The following SBF2 variants were observed in gnomAD, a reference collection of about 807,000 sequenced individuals.
SBF2 encodes the protein SET binding factor 2.
Under a neutral mutation model 225.2 loss-of-function variants are expected in SBF2, and 112 were observed. The ratio of observed to expected loss-of-function variants is 0.50; its 90% CI spans 0.43 to 0.58. SBF2 has a LOEUF of 0.58. SBF2 is among the 20% of genes least tolerant of loss of function. The probability of loss-of-function intolerance (pLI) is 0.00; values close to 1 mark genes in which losing one functional copy is unlikely to be tolerated. For synonymous variants in SBF2, 763 were observed against 773.3 expected, an observed-to-expected ratio of 0.99 and a Z score of 0.22; for missense variants, 1,996 against 2,206.2, an observed-to-expected ratio of 0.90 and a Z score of 1.91.
At chr11:10,234,597 T>C (rs1357088271) in intron 1 of SBF2, among the ~76,000 whole-genome samples, 1 of 152,210 alleles carries the variant, frequency 6.6e-6, no homozygotes, top group East Asian at 1.9e-4. Flanking sequence ...CAGATTTTAA[T>C]TGACAACAAA....
At chr11:9,998,433 G>T in intron 8 of SBF2, 54 bp from the exon 9 acceptor site, 2 of 995,622 alleles carry the variant, frequency 2.0e-6, no homozygotes, top group Non-Finnish European at 3.2e-6. Context: ...TTGTTGTTAA[G>T]CAAATTATTT....
At chr11:10,151,276 C>CA (rs922315312) in intron 2 of SBF2, among the ~76,000 whole-genome samples, 7 of 152,198 alleles carry the variant, frequency 4.6e-5, no homozygotes, top group African/African-American at 1.7e-4. Context: ...TTTGCTCGCT[C>CA]AGCCATCTGG....
chr11:10,172,190 T>C (rs554532254), intron 2 of SBF2, among the ~76,000 whole-genome samples: 2 of 152,264 alleles, frequency 1.3e-5, no homozygotes, highest in South Asian at 4.2e-4. Context: ...TTTGGTTTGC[T>C]CTTGCCTTTC....
intron 1 of SBF2, among the ~76,000 whole-genome samples, chr11:10,201,148 G>C (rs1026939138): frequency 2.6e-5 from 4 of 152,064 alleles, no homozygotes; most frequent in Non-Finnish European, 5.9e-5. Context: ...CAGACTTTTG[G>C]GTACATGTAT....
chr11:9,959,534 G>A (rs1332812519), intron 16 of SBF2: 1 of 791,672 alleles, frequency 1.3e-6, no homozygotes, highest in African/African-American at 1.7e-5. Flanking sequence ...AGCTTGTGGA[G>A]GTCCTTGTGG....
Position 10,044,476 on chromosome 11 carries a change from G to A in SBF2, c.142-1495C>T, listed in dbSNP as rs901869865. The A allele has an allele frequency of 3.7e-4, 60 of 161,110 alleles. 2 individuals are homozygous for A. Among genetic ancestry groups the A allele is most frequent in the African/African-American group, 9.6e-5 (4 of 41,702 alleles). 10.0% of individuals were successfully genotyped at this position (161,110 alleles called of 1,614,324 possible). ...AATGATATAATAAGCAAATTGCAAC[G>A]CAAAGGGGAGAAGGGAAAAGAGATA... is the stretch of plus-strand genomic sequence containing the variant. On this transcript the variant is annotated intron_variant, in intron 2 of 39. Transcript: ENST00000256190.
At position 10,064,506 on chromosome 11, in the gene SBF2, G is replaced by A. The variant is rs945563002; in HGVS notation, c.142-21525C>T. Among the ~76,000 whole-genome samples, 41 of 152,088 alleles carry A rather than the reference G, an allele frequency of 2.7e-4. 2 individuals are homozygous for A. Among genetic ancestry groups the A allele is most frequent in the Admixed American group, 1.9e-3 (29 of 15,268 alleles). On this transcript the variant is annotated intron_variant, in intron 2 of 39. Coordinates refer to ENST00000256190, the MANE Select transcript of SBF2 (RefSeq NM_030962.4). ...CACATTAAATAGATTTTAAGACCAC[G>A]TAAAAAAGCAAGACCCAACTACATA...
At chr11:10,057,269 G>A (rs1471154308) in intron 2 of SBF2, among the ~76,000 whole-genome samples, 1 of 152,098 alleles carries the variant, frequency 6.6e-6, no homozygotes, top group East Asian at 1.9e-4. Context: ...GCCACCCCCT[G>A]CCAGAACTAT....
chr11:10,249,610 A>C (rs1286033224), intron 1 of SBF2, among the ~76,000 whole-genome samples: 5 of 152,140 alleles, frequency 3.3e-5, no homozygotes, highest in Admixed American at 2.6e-4. Flanking sequence ...TCATAATATC[A>C]AGTGTTTTAT....
chr11:9,818,400 C>T (rs1854569936), intron 28 of SBF2, among the ~76,000 whole-genome samples: 1 of 152,202 alleles, frequency 6.6e-6, no homozygotes, highest in African/African-American at 2.4e-5. Context: ...AAGGCATGTA[C>T]TAATTCTCAA....
intron 32 of SBF2, among the ~76,000 whole-genome samples, chr11:9,798,135 A>G (rs770132343): frequency 4.6e-5 from 7 of 152,186 alleles, no homozygotes; most frequent in Non-Finnish European, 1.0e-4. Context: ...GTAGTCAACC[A>G]TGTCCCTTAA....
intron 1 of SBF2, among the ~76,000 whole-genome samples, chr11:10,226,459 T>C (rs1026135144): frequency 1.3e-5 from 2 of 151,848 alleles, no homozygotes; most frequent in Admixed American, 1.3e-4. Flanking sequence ...TAGGTGTATC[T>C]CCTAATACTA....
intron 2 of SBF2, chr11:10,044,433 A>G (rs1949775966): frequency 6.4e-6 from 1 of 157,008 alleles, no homozygotes; most frequent in African/African-American, 2.4e-5. Flanking sequence ...TATAATAAGC[A>G]AAGTAATAAA....
intron 2 of SBF2, among the ~76,000 whole-genome samples, chr11:10,190,952 G>C (rs1031974298): frequency 6.6e-6 from 1 of 152,184 alleles, no homozygotes; most frequent in Non-Finnish European, 1.5e-5. Flanking sequence ...ATCAGGGTTT[G>C]AATCCTAGCT....
chr11:10,268,864 A>G (rs932475698), intron 1 of SBF2, among the ~76,000 whole-genome samples: 2 of 152,202 alleles, frequency 1.3e-5, no homozygotes, highest in African/African-American at 2.4e-5. Flanking sequence ...AGGACACAGT[A>G]AAGACCAAAG....
intron 26 of SBF2, among the ~76,000 whole-genome samples, chr11:9,835,194 A>C (rs1041329186): frequency 5.3e-5 from 8 of 152,092 alleles, no homozygotes; most frequent in African/African-American, 1.2e-4. Context: ...TTTTTAATTC[A>C]AGCATAATTC....
intron 17 of SBF2, among the ~76,000 whole-genome samples, chr11:9,874,346 G>A (rs981826476): frequency 2.0e-5 from 3 of 152,008 alleles, no homozygotes; most frequent in Admixed American, 2.0e-4. Flanking sequence ...TTTATAGTAT[G>A]TCTCTTCTTT....
chr11:10,292,501 G>A (rs1031598550), intron 1 of SBF2, among the ~76,000 whole-genome samples: 1 of 151,986 alleles, frequency 6.6e-6, no homozygotes, highest in Admixed American at 6.6e-5. Flanking sequence ...CCAGGATGGT[G>A]AAATCCCGTC....
At chr11:10,202,958 G>A (rs1465696695) in intron 1 of SBF2, among the ~76,000 whole-genome samples, 4 of 150,250 alleles carry the variant, frequency 2.7e-5, no homozygotes, top group Non-Finnish European at 5.9e-5. Flanking sequence ...TGAACCCAGA[G>A]AGAAAGAAAA....
Sources: gnomAD v4.1 joint callset for allele counts (sites outside exome capture counted in the v4.1 genomes callset) on GRCh38, gnomAD v4.1.1 for gene constraint, MANE v1.5 for transcripts, NCBI Gene and HGNC (gene_info 2026-07-23, HGNC 2026-07-21) for gene names.